The following DCAF10 variants were observed in gnomAD, a reference collection of about 807,000 sequenced individuals.
DCAF10 encodes DDB1- and CUL4-associated factor 10.
A neutral mutation model predicts 51.9 loss-of-function variants in DCAF10; 19 were observed. The observed-to-expected ratio is 0.37, with a 90% CI of 0.26 to 0.54. The LOEUF (loss-of-function observed/expected upper bound fraction) is 0.54, where lower values mean the gene tolerates loss of function less well. DCAF10 is among the 20% of genes least tolerant of loss of function. DCAF10 has a pLI of 0.87. For synonymous variants in DCAF10, 291 were observed against 297.1 expected (o/e 0.98, Z 0.21); for missense variants, 510 against 730.6 (o/e 0.70, Z 3.48).
chr9:37,834,030 C>T (rs552706057), intron 2 of DCAF10, among the ~76,000 whole-genome samples: 2 of 152,214 alleles, frequency 1.3e-5, no homozygotes, highest in South Asian at 2.1e-4. Context: ...GCCTCCGCCC[C>T]GCCAGCTCAA....
chr9:37,854,593 C>A (rs942530855), intron 3 of DCAF10, among the ~76,000 whole-genome samples, 187 bp from the exon 4 acceptor site: 1 of 152,150 alleles, frequency 6.6e-6, no homozygotes, highest in Non-Finnish European at 1.5e-5. Context: ...TTACTATTAA[C>A]CGTCATCACC....
intron 2 of DCAF10, among the ~76,000 whole-genome samples, chr9:37,835,587 A>T (rs1830137535): frequency 6.6e-6 from 1 of 151,900 alleles, no homozygotes; most frequent in Admixed American, 6.6e-5. Flanking sequence ...AAAAAAAAAA[A>T]GTTACCTGGG....
At chr9:37,835,340 A>G (rs1196928048) in intron 2 of DCAF10, among the ~76,000 whole-genome samples, 2 of 152,068 alleles carry the variant, frequency 1.3e-5, no homozygotes, top group African/African-American at 4.8e-5. Context: ...GCACTTTGGG[A>G]GGCCAAGGCA....
intron 1 of DCAF10, among the ~76,000 whole-genome samples, chr9:37,807,824 G>A (rs530521640): frequency 5.7e-4 from 87 of 151,768 alleles, no homozygotes; most frequent in African/African-American, 2.0e-3. Flanking sequence ...CACCACGCTC[G>A]GCTAATTTTG....
intron 3 of DCAF10, among the ~76,000 whole-genome samples, chr9:37,851,814 T>A (rs552164469): frequency 1.1e-4 from 16 of 149,744 alleles, no homozygotes; most frequent in South Asian, 8.6e-4. Context: ...TAAATAAATA[T>A]ATATGAAAAT....
intron 1 of DCAF10, among the ~76,000 whole-genome samples, chr9:37,803,309 GCTTT>G (rs2119008159): frequency 6.6e-6 from 1 of 151,940 alleles, no homozygotes; most frequent in South Asian, 2.1e-4. Flanking sequence ...TTTGTAGCTT[GCTTT>G]TTTTCTTACA....
At chr9:37,811,978 G>C (rs1196721879) in intron 1 of DCAF10, among the ~76,000 whole-genome samples, 1 of 152,108 alleles carries the variant, frequency 6.6e-6, no homozygotes, top group Admixed American at 6.6e-5. Context: ...CTTGAGCTCA[G>C]GAGTTTGAGA....
At chr9:37,808,512 T>TA (rs1829197962) in intron 1 of DCAF10, among the ~76,000 whole-genome samples, 2 of 116,364 alleles carry the variant, frequency 1.7e-5, no homozygotes, top group Admixed American at 2.3e-4. Context: ...AAACATATAT[T>TA]TATATAATAT....
In DCAF10 at chr9:37,867,175, T is replaced by C. The variant is rs1831153703; in HGVS notation, c.*5667T>C. 1 of 152,164 alleles carries C rather than the reference T, an allele frequency of 6.6e-6. No homozygotes were observed. The allele number at this position is 152,164 out of a possible 1,614,324, so 9.4% of individuals were successfully genotyped here. A position where few individuals can be genotyped will look rare whatever the true frequency, so the allele number is the denominator to read the frequency against. On this transcript the variant is annotated 3_prime_UTR_variant, in exon 7 of 7. Coordinates refer to ENST00000377724, the MANE Select transcript of DCAF10 (RefSeq NM_024345.5). ...TGTAAATGAACTAGGGATAAAGATA[T>C]GGGTTTTATCAAAAGCCCTAAGGAA... is the stretch of plus-strand genomic sequence containing the variant.
chr9:37,853,519 C>A (rs1260876252), intron 3 of DCAF10, among the ~76,000 whole-genome samples: 1 of 151,766 alleles, frequency 6.6e-6, no homozygotes, highest in Non-Finnish European at 1.5e-5. Context: ...GATTGTTAAG[C>A]ATGTATGTAA....
At chr9:37,860,902 A>T (rs117925159) in intron 6 of DCAF10, among the ~76,000 whole-genome samples, 4,458 of 152,326 alleles carry the variant, frequency 0.029, 92 homozygotes, top group Non-Finnish European at 0.045. Flanking sequence ...AGTCACAGGC[A>T]GCCTCAGGGA....
chr9:37,839,614 T>C (rs1421845814), intron 2 of DCAF10, among the ~76,000 whole-genome samples: 3 of 152,176 alleles, frequency 2.0e-5, no homozygotes, highest in Non-Finnish European at 4.4e-5. Flanking sequence ...TATTCCCTAG[T>C]CATCTCTACT....
chr9:37,845,805 C>T (rs577022381), intron 3 of DCAF10, among the ~76,000 whole-genome samples: 3 of 152,160 alleles, frequency 2.0e-5, no homozygotes, highest in South Asian at 2.1e-4. Flanking sequence ...AGTGTTCATG[C>T]GGTGCTTGTT....
Position 37,829,868 on chromosome 9 carries a change from G to A in DCAF10, c.653+10467G>A, listed in dbSNP as rs1042056839. On this transcript the variant is annotated intron_variant, in intron 2 of 6. Transcript: ENST00000377724. This position sits in a 1 kb window ranked among gnomAD's most constrained non-coding sequence, Gnocchi z 4.2. The stretch of plus-strand genomic sequence containing the variant: ...CAAACAATTTAAAAATTAGCCAGGT[G>A]TAGTTGCACGTGCCTATAGTCCCAG... Among the ~76,000 whole-genome samples the A allele has an allele frequency of 1.3e-5, 2 of 152,128 alleles. No homozygotes were observed. The highest frequency in any genetic ancestry group is 2.9e-5 in the Non-Finnish European group (2 of 68,008).
chr9:37,801,156 G>A lies in DCAF10; in HGVS notation c.290G>A (p.Arg97Gln). 1 of 1,537,012 alleles carries A rather than the reference G, an allele frequency of 6.5e-7. No individual in the cohort carries two copies. The part of the protein sequence containing the change: ...EPSPPSPPCR[R>Q]PGPDCRAKSR... Reference sequence around the variant, plus strand: ...TCACCTCCCTCCCCTCCGTGCCGGCGGCCCGGGCCAGACTGCAGGGCCAAG... The same window carrying A: ...TCACCTCCCTCCCCTCCGTGCCGGCAGCCCGGGCCAGACTGCAGGGCCAAG... Residue 97 changes from arginine to glutamine, a missense_variant, in exon 1 of 7, where the codon CGG (arginine) becomes CAG (glutamine). By Grantham distance (43) the Arg-to-Gln change is conservative. This residue lies in a region of DCAF10 where 251 missense variants were observed against 227.9 expected (regional missense o/e 1.10). Coordinates refer to ENST00000377724, the MANE Select transcript of DCAF10 (RefSeq NM_024345.5). The surrounding 1 kb of genome is among the most constrained non-coding windows in gnomAD (Gnocchi z 5.5).
chr9:37,855,540 T>G (rs1830821231), intron 4 of DCAF10, among the ~76,000 whole-genome samples: 1 of 152,244 alleles, frequency 6.6e-6, no homozygotes, highest in South Asian at 2.1e-4. Context: ...AATGTACGTA[T>G]TGTATTTTAT....
At chr9:37,850,422 T>C (rs771002575) in intron 3 of DCAF10, among the ~76,000 whole-genome samples, 10 of 152,130 alleles carry the variant, frequency 6.6e-5, no homozygotes, top group Non-Finnish European at 1.5e-4. Flanking sequence ...TGTTGTAATA[T>C]ACACAGCAAA....
chr9:37,857,065 G>A (rs902129321), intron 4 of DCAF10, among the ~76,000 whole-genome samples, 176 bp from the exon 5 acceptor site: 10 of 152,052 alleles, frequency 6.6e-5, no homozygotes, highest in Non-Finnish European at 1.5e-4. Flanking sequence ...TTCAGAAAGG[G>A]ACTAGATCTT....
rs1362792067 is a variant in DCAF10, at chr9:37,801,121, G to A, written c.255G>A (p.Pro85=). 6.5e-7 allele frequency: 1 copy of A among 1,536,416 alleles called. No individual in the cohort carries two copies. The highest frequency in any genetic ancestry group is 8.7e-7 in the Non-Finnish European group (1 of 1,144,814). ...GAPESSTASA[P]GEPSPPSPPC... The stretch of plus-strand genomic sequence containing the variant: ...CGGAGTCCTCAACTGCCTCCGCCCC[G>A]GGAGAGCCGTCACCTCCCTCCCCTC... The change falls in exon 1 of 7, where the codon CCG becomes CCA. Residue 85 remains proline, a synonymous_variant. Transcript: ENST00000377724. This position sits in a 1 kb window ranked among gnomAD's most constrained non-coding sequence, Gnocchi z 5.5.
Sources: gnomAD v4.1 joint callset for allele counts (sites outside exome capture counted in the v4.1 genomes callset) on GRCh38, gnomAD v4.1.1 for gene constraint, gnomAD v4.1.1 regional missense constraint, Gnocchi (gnomAD v3.1) non-coding constraint, MANE v1.5 for transcripts, NCBI Gene and HGNC (gene_info 2026-07-23, HGNC 2026-07-21) for gene names.